APC: variants seen among roughly 807,000 people sequenced by gnomAD.
The protein encoded by APC is adenomatous polyposis coli protein.
Under a neutral mutation model 247.0 loss-of-function variants are expected in APC, and 72 were observed. The observed-to-expected ratio is 0.29, with a 90% confidence interval of 0.24 to 0.35. The LOEUF is 0.35. Among genes scored for constraint, APC ranks in the 10% least tolerant of loss-of-function variants. APC has a pLI of 1.00. For missense variants in APC, 3,400 were observed against 3,360.7 expected, an observed-to-expected ratio of 1.01 and a Z score of -0.29; for synonymous variants, 1,254 against 1,162.5, an observed-to-expected ratio of 1.08 and a Z score of -1.60.
At chr5:112,760,825 T>G (rs78604264) in intron 2 of APC, among the ~76,000 whole-genome samples, 1 of 152,110 alleles carries the variant, frequency 6.6e-6, no homozygotes, top group African/African-American at 2.4e-5. Context: ...TTTTTTTTTT[T>G]TCAAGACAGA....
intron 2 of APC, among the ~76,000 whole-genome samples, chr5:112,755,944 C>CA (rs71708215): frequency 0.055 from 7,050 of 127,896 alleles, 419 homozygotes; most frequent in African/African-American, 0.16. Flanking sequence ...ACCCCATTCT[C>CA]AAAAAAAAAA....
intron 2 of APC, among the ~76,000 whole-genome samples, chr5:112,761,714 A>G (rs1755693740): frequency 6.6e-6 from 1 of 152,206 alleles, no homozygotes; most frequent in African/African-American, 2.4e-5. Context: ...ATGCCAAAGC[A>G]CCATATATAG....
At chr5:112,799,183 CAAAAAAAA>C (rs754181440) in intron 7 of APC, among the ~76,000 whole-genome samples, 1 of 79,888 alleles carries the variant, frequency 1.3e-5, no homozygotes, top group Non-Finnish European at 2.5e-5. Flanking sequence ...GACTCTGTCT[CAAAAAAAA>C]AAAAAAAAAA....
rs752887834 is a variant in APC, at chr5:112,843,630, C to T, written c.8036C>T (p.Thr2679Ile). ...PRSGRSPTGN[T>I]PPVIDSVSEK... ...TCTGGAAGATCTCCCACAGGTAATA[C>T]TCCCCCGGTGATTGACAGTGTTTCA... The change falls in exon 16 of 16, where the codon ACT becomes ATT. Residue 2679 changes from threonine to isoleucine, a missense_variant. By Grantham distance (89) the Thr-to-Ile change is moderately conservative. Coordinates refer to ENST00000257430, the MANE Select transcript of APC (RefSeq NM_000038.6). The surrounding 1 kb of genome is among the most constrained non-coding windows in gnomAD (Gnocchi z 4.8). 3.7e-6 allele frequency: 6 copies of T among 1,613,810 alleles called. No homozygotes were observed. The highest frequency in any genetic ancestry group is 1.1e-5 in the South Asian group (1 of 91,082).
intron 1 of APC, among the ~76,000 whole-genome samples, chr5:112,713,170 C>CAAAAAAA (rs10625710): frequency 9.3e-6 from 1 of 107,894 alleles, no homozygotes; most frequent in East Asian, 2.5e-4. Flanking sequence ...GACTCCATAG[C>CAAAAAAA]AAAAAAAAAA....
At chr5:112,740,723 A>G (rs1752915813) in intron 1 of APC, among the ~76,000 whole-genome samples, 1 of 151,566 alleles carries the variant, frequency 6.6e-6, no homozygotes, top group African/African-American at 2.4e-5. Context: ...ATGGGGTTTC[A>G]CCATGTTGCC....
intron 11 of APC, among the ~76,000 whole-genome samples, chr5:112,824,308 T>G (rs947089713): frequency 5.3e-5 from 8 of 152,346 alleles, no homozygotes; most frequent in Admixed American, 4.6e-4. Flanking sequence ...ATCAATCCAG[T>G]CATGAATTTG....
Position 112,842,710 on chromosome 5 carries a change from G to T in APC, c.7116G>T (p.Gln2372His), listed in dbSNP as rs1372802539. The T allele has an allele frequency of 6.2e-7, 1 of 1,613,792 alleles. No individual in the cohort carries two copies. The highest frequency in any genetic ancestry group is 1.7e-5 in the Admixed American group (1 of 60,014). The change falls in exon 16 of 16, where the codon CAG becomes CAT. Residue 2372 changes from glutamine (Q) to histidine (H), a missense_variant. This residue lies in a region of APC where 1,788 missense variants were observed against 1,649.5 expected (regional missense o/e 1.08). Transcript: ENST00000257430. ...TGTCATATACATCTCCAGGTAGACA[G>T]ATGAGCCAACAGAACCTTACCAAAC... ...GKMSYTSPGRQMSQQNLTKQT... is the reference protein window; with the variant it reads ...GKMSYTSPGRHMSQQNLTKQT...
intron 12 of APC, 21 bp downstream of exon 12, chr5:112,827,268 T>C: frequency 6.2e-7 from 1 of 1,613,256 alleles, no homozygotes; most frequent in Non-Finnish European, 8.5e-7. Flanking sequence ...ATAACATGTA[T>C]TTCTTAAGAT....
chr5:112,784,241 T>C (rs912329660), intron 6 of APC, among the ~76,000 whole-genome samples: 12 of 152,170 alleles, frequency 7.9e-5, no homozygotes, highest in African/African-American at 1.4e-4. Context: ...CTAATTTTTG[T>C]ATTTTTAGTA....
intron 10 of APC, among the ~76,000 whole-genome samples, chr5:112,820,952 C>A (rs1763063032): frequency 6.6e-6 from 1 of 152,094 alleles, no homozygotes; most frequent in Non-Finnish European, 1.5e-5. Flanking sequence ...GCCTCAACCT[C>A]CCAGGCTCAA....
Position 112,841,892 on chromosome 5 carries a change from G to T in APC, c.6298G>T (p.Asp2100Tyr), listed in dbSNP as rs1554087322. ...TCTATCCCCTGATTCAGAAAATTTT[G>T]ATTGGAAAGCTATTCAGGAAGGTGC... ...HGLSPDSENF[D>Y]WKAIQEGANS... The change falls in exon 16 of 16, where the codon GAT becomes TAT. Residue 2100 changes from aspartate (D) to tyrosine (Y), a missense_variant. By Grantham distance (160) the Asp-to-Tyr change is radical. Coordinates refer to ENST00000257430, the MANE Select transcript of APC (RefSeq NM_000038.6). This position sits in a 1 kb window ranked among gnomAD's most constrained non-coding sequence, Gnocchi z 4.6. The T allele has an allele frequency of 1.9e-6, 3 of 1,613,918 alleles. No homozygotes were observed. The highest frequency in any genetic ancestry group is 2.5e-6 in the Non-Finnish European group (3 of 1,179,932).
At chr5:112,738,294 A>G in intron 1 of APC, 2 of 985,508 alleles carry the variant, frequency 2.0e-6, no homozygotes, top group Non-Finnish European at 2.4e-6. Context: ...GAGCATATTC[A>G]TGGCGAGGAG....
At chr5:112,755,110 T>G in intron 2 of APC, 85 bp downstream of exon 2, 1 of 1,567,124 alleles carries the variant, frequency 6.4e-7, no homozygotes, top group Non-Finnish European at 8.7e-7. Context: ...ACACTTTACT[T>G]AAAAGTGTAT....
chr5:112,731,767 T>C (rs1752111432), intron 1 of APC, among the ~76,000 whole-genome samples: 1 of 152,136 alleles, frequency 6.6e-6, no homozygotes, highest in Non-Finnish European at 1.5e-5. Context: ...TTTGGTTTTG[T>C]TTTGTTTTGT....
At chr5:112,761,116 A>G (rs1158125547) in intron 2 of APC, among the ~76,000 whole-genome samples, 6 of 152,056 alleles carry the variant, frequency 3.9e-5, no homozygotes, top group African/African-American at 9.7e-5. Context: ...GCGGGTCCCA[A>G]TCCATTTTTA....
intron 1 of APC, among the ~76,000 whole-genome samples, chr5:112,710,617 G>A (rs755812223): frequency 9.2e-5 from 14 of 152,044 alleles, no homozygotes; most frequent in Non-Finnish European, 1.9e-4. Context: ...CTAGGAGGAC[G>A]TTCTAAAGCT....
chr5:112,707,941 C>A (rs960886701), intron 1 of APC: 32 of 1,298,702 alleles, frequency 2.5e-5, no homozygotes, highest in African/African-American at 3.0e-5. Context: ...GGCTTTGCCC[C>A]GCCGCTGCTC....
At chr5:112,773,839 G>A (rs910007730) in intron 4 of APC, among the ~76,000 whole-genome samples, 21 of 151,874 alleles carry the variant, frequency 1.4e-4, no homozygotes, top group African/African-American at 5.1e-4. Context: ...AAATACAAAT[G>A]GTTTATAAAC....
Sources: allele counts gnomAD v4.1 joint callset (sites outside exome capture counted in the v4.1 genomes callset), GRCh38; gene constraint gnomAD v4.1.1; regional missense constraint gnomAD v4.1.1; non-coding constraint Gnocchi (gnomAD v3.1); transcripts MANE v1.5; gene names NCBI Gene and HGNC (gene_info 2026-07-23, HGNC 2026-07-21).